Variants in SLC44A3 observed in about 807,000 individuals in gnomAD.
SLC44A3 encodes the protein choline transporter-like protein 3.
SLC44A3 carries 74 observed loss-of-function variants against 75.4 expected under a neutral mutation model. That is an observed-to-expected ratio of 0.98 (90% confidence interval 0.81 to 1.19). The LOEUF is 1.19. SLC44A3 is among the 50% of genes most tolerant of loss of function. SLC44A3 has a pLI of 0.00. For synonymous variants in SLC44A3, 310 were observed against 296.9 expected, an observed-to-expected ratio of 1.04 and a Z score of -0.45; for missense variants, 700 against 778.6, an observed-to-expected ratio of 0.90 and a Z score of 1.20.
chr1:94,859,351 A>G (rs1234292600), intron 10 of SLC44A3, among the ~76,000 whole-genome samples: 2 of 152,168 alleles, frequency 1.3e-5, no homozygotes, highest in Non-Finnish European at 2.9e-5. Flanking sequence ...CAAACACACC[A>G]GGACAGTAAG....
chr1:94,836,913 C>CAAAAAAAAAAAAA (rs56149444), intron 5 of SLC44A3: 1 of 124,308 alleles, frequency 8.0e-6, no homozygotes, highest in African/African-American at 3.1e-5. Flanking sequence ...CCTGTCTCAA[C>CAAAAAAAAAAAAA]AAAAAAAAAA....
chr1:94,894,422 C>T (rs1670554931), intron 14 of SLC44A3, among the ~76,000 whole-genome samples: 1 of 152,152 alleles, frequency 6.6e-6, no homozygotes, highest in Admixed American at 6.6e-5. Context: ...ATTAACTGGA[C>T]TTATATAGCA....
chr1:94,827,521 T>C lies in SLC44A3; in HGVS notation c.293T>C (p.Met98Thr). The change falls in exon 4 of 15, where the codon ATG becomes ACG. Residue 98 changes from methionine (M) to threonine (T), a missense_variant. By Grantham distance (81) the Met-to-Thr change is moderately conservative (BLOSUM62 -1). Transcript: ENST00000271227. Reference protein sequence around the residue: ...DMTLKKHVFFMNSCNLEVKGT... With the variant: ...DMTLKKHVFFTNSCNLEVKGT... ...CTATTTCCTAGACACGTGTTCTTTA[T>C]GAATTCCTGCAACCTGGAAGTCAAA... is the stretch of plus-strand genomic sequence containing the variant. 2.5e-6 allele frequency: 4 copies of C among 1,614,246 alleles called. No homozygotes were observed. The highest frequency in any genetic ancestry group is 3.4e-6 in the Non-Finnish European group (4 of 1,180,030).
At chr1:94,826,590 G>A (rs1661375284) in intron 3 of SLC44A3, among the ~76,000 whole-genome samples, 1 of 151,508 alleles carries the variant, frequency 6.6e-6, no homozygotes, top group Admixed American at 6.6e-5. Flanking sequence ...GGCAGAGGTG[G>A]CAGTGTCATT....
At chr1:94,851,082 T>C (rs1377527014) in intron 9 of SLC44A3, among the ~76,000 whole-genome samples, 4 of 152,172 alleles carry the variant, frequency 2.6e-5, no homozygotes, top group Admixed American at 2.6e-4. Context: ...CCTGCTGGGA[T>C]CTTCCTCTAG....
intron 5 of SLC44A3, among the ~76,000 whole-genome samples, chr1:94,837,294 T>A (rs1175602946): frequency 2.0e-5 from 3 of 152,208 alleles, no homozygotes; most frequent in Non-Finnish European, 4.4e-5. Flanking sequence ...TATTGTATAT[T>A]TGAAATTTGA....
At chr1:94,869,523 A>G (rs1667533208) in intron 12 of SLC44A3, among the ~76,000 whole-genome samples, 1 of 152,182 alleles carries the variant, frequency 6.6e-6, no homozygotes, top group African/African-American at 2.4e-5. Flanking sequence ...GCCAGCTGAT[A>G]TGGGTGATGC....
chr1:94,837,395 G>T (rs1662965988), intron 5 of SLC44A3, among the ~76,000 whole-genome samples: 2 of 152,140 alleles, frequency 1.3e-5, no homozygotes, highest in African/African-American at 4.8e-5. Context: ...ATTTCATGAA[G>T]TTTATATATA....
At chr1:94,869,875 G>T (rs915623463) in intron 12 of SLC44A3, among the ~76,000 whole-genome samples, 2 of 152,184 alleles carry the variant, frequency 1.3e-5, no homozygotes, top group African/African-American at 4.8e-5. Flanking sequence ...CCTATTTTAT[G>T]TTCCTCATTT....
intron 12 of SLC44A3, 53 bp from the exon 13 acceptor site, chr1:94,891,077 T>C: frequency 1.3e-6 from 2 of 1,528,318 alleles, no homozygotes; most frequent in South Asian, 1.2e-5. Flanking sequence ...ATATATTGCC[T>C]TAAAAACAAT....
At chr1:94,869,411 T>G (rs1194499000) in intron 12 of SLC44A3, among the ~76,000 whole-genome samples, 1 of 152,218 alleles carries the variant, frequency 6.6e-6, no homozygotes, top group Non-Finnish European at 1.5e-5. Flanking sequence ...CAAACAGGGA[T>G]AGGTCTTTCA....
At chr1:94,854,315 C>T (rs1243715040) in intron 9 of SLC44A3, among the ~76,000 whole-genome samples, 1 of 152,226 alleles carries the variant, frequency 6.6e-6, no homozygotes, top group Non-Finnish European at 1.5e-5. Flanking sequence ...CTACTCTCTT[C>T]TTCACCATCA....
intron 9 of SLC44A3, among the ~76,000 whole-genome samples, chr1:94,851,412 G>A (rs1665200306): frequency 6.6e-6 from 1 of 152,190 alleles, no homozygotes; most frequent in Admixed American, 6.5e-5. Context: ...CATAGAGGCA[G>A]TGAATAAGGA....
chr1:94,887,982 T>C (rs572576566), intron 12 of SLC44A3, among the ~76,000 whole-genome samples: 1 of 152,362 alleles, frequency 6.6e-6, no homozygotes, highest in Non-Finnish European at 1.5e-5. Context: ...TCTTTGGTGA[T>C]GTCTGGATGA....
intron 12 of SLC44A3, among the ~76,000 whole-genome samples, chr1:94,877,126 G>A (rs1393368860): frequency 7.8e-6 from 1 of 127,776 alleles, no homozygotes; most frequent in Non-Finnish European, 1.8e-5. Flanking sequence ...TCCAAGCTGT[G>A]TTTAAAAAAA....
intron 10 of SLC44A3, among the ~76,000 whole-genome samples, chr1:94,861,042 A>G (rs1167012499): frequency 6.6e-6 from 1 of 152,244 alleles, no homozygotes; most frequent in Non-Finnish European, 1.5e-5. Flanking sequence ...GGTGAGGCCC[A>G]TGGAAATCCA....
intron 10 of SLC44A3, among the ~76,000 whole-genome samples, chr1:94,858,937 G>A (rs1051696385): frequency 1.3e-5 from 2 of 152,044 alleles, no homozygotes; most frequent in Non-Finnish European, 1.5e-5. Flanking sequence ...TGATCCACCC[G>A]CCTAGTCCTC....
At chr1:94,824,717 C>CT in intron 3 of SLC44A3, 82 bp downstream of exon 3, 1 of 1,456,718 alleles carries the variant, frequency 6.9e-7, no homozygotes, top group South Asian at 1.5e-5. Flanking sequence ...AGCCTGGAAA[C>CT]TTTTCCCATT....
At position 94,820,483 on chromosome 1, in the gene SLC44A3, G is replaced by T. The variant is rs961503026; in HGVS notation, c.27+5G>T. Reference sequence around the variant, plus strand: ...TGCCTGGGCGCCGAGTACCTGGTAAGCGCTCGCAGCCTCGGCCCTCGGGGG... The same window carrying T: ...TGCCTGGGCGCCGAGTACCTGGTAATCGCTCGCAGCCTCGGCCCTCGGGGG... On this transcript the variant is annotated splice_donor_5th_base_variant and intron_variant, in intron 1 of 14. Transcript: ENST00000271227. 47 of 1,494,956 alleles carry T rather than the reference G, an allele frequency of 3.1e-5. No homozygotes were observed. Among genetic ancestry groups the T allele is most frequent in the Non-Finnish European group, 4.1e-5 (46 of 1,125,312 alleles). The allele number at this position is 1,494,956 out of a possible 1,614,324, so 92.6% of individuals were successfully genotyped here. A position where few individuals can be genotyped will look rare whatever the true frequency, so the allele number is the denominator to read the frequency against.
Sources: allele counts gnomAD v4.1 joint callset (sites outside exome capture counted in the v4.1 genomes callset), GRCh38; gene constraint gnomAD v4.1.1; transcripts MANE v1.5; gene names NCBI Gene and HGNC (gene_info 2026-07-23, HGNC 2026-07-21).